Variants in PARD3B observed in about 807,000 individuals in gnomAD.
PARD3B encodes par-3 family cell polarity regulator beta, also known as partitioning defective 3 homolog B.
In PARD3B, 103 loss-of-function variants were observed where a neutral mutation model predicts 130.2. The observed-to-expected ratio is 0.79, with a 90% CI of 0.67 to 0.93. The LOEUF is 0.93. Among genes scored for constraint, PARD3B ranks in the 40% least tolerant of loss-of-function variants. PARD3B has a pLI of 0.00. For missense variants in PARD3B, 1,609 were observed against 1,499.2 expected, an observed-to-expected ratio of 1.07 and a Z score of -1.21; for synonymous variants, 583 against 553.2, an observed-to-expected ratio of 1.05 and a Z score of -0.76.
At chr2:205,256,311 G>C (rs1045851701) in intron 16 of PARD3B, among the ~76,000 whole-genome samples, 2 of 151,952 alleles carry the variant, frequency 1.3e-5, no homozygotes, top group Non-Finnish European at 2.9e-5. Flanking sequence ...GGCAACCAAT[G>C]ATAAACTCAT....
intron 1 of PARD3B, among the ~76,000 whole-genome samples, chr2:204,557,585 C>T (rs1429466814): frequency 6.6e-6 from 1 of 152,024 alleles, no homozygotes; most frequent in African/African-American, 2.4e-5. Context: ...TAAACTTTGT[C>T]AAATTCCACA....
chr2:205,385,120 G>A (rs2045616381), intron 18 of PARD3B, among the ~76,000 whole-genome samples: 1 of 151,984 alleles, frequency 6.6e-6, no homozygotes. Context: ...AGCTTATGTT[G>A]TTTGTGAGAT....
intron 21 of PARD3B, among the ~76,000 whole-genome samples, chr2:205,518,402 C>T (rs2050884377): frequency 6.6e-6 from 1 of 151,966 alleles, no homozygotes; most frequent in Non-Finnish European, 1.5e-5. Context: ...GGATTGCAGC[C>T]TCTACTGTTT....
intron 2 of PARD3B, among the ~76,000 whole-genome samples, chr2:204,879,860 G>A (rs2045974285): frequency 6.6e-6 from 1 of 152,202 alleles, no homozygotes. Flanking sequence ...ATATCAGTGG[G>A]CTTATTCTTT....
chr2:205,374,577 T>C (rs547883411), intron 18 of PARD3B, among the ~76,000 whole-genome samples: 1 of 152,310 alleles, frequency 6.6e-6, no homozygotes, highest in East Asian at 1.9e-4. Context: ...TTTTATTCTA[T>C]ATATTTTGCC....
At chr2:204,557,090 C>T (rs1419411985) in intron 1 of PARD3B, among the ~76,000 whole-genome samples, 1 of 151,772 alleles carries the variant, frequency 6.6e-6, no homozygotes, top group Non-Finnish European at 1.5e-5. Context: ...TCACAGATGC[C>T]CTCTCTGCCA....
intron 1 of PARD3B, among the ~76,000 whole-genome samples, chr2:204,563,108 A>G (rs2031423443): frequency 6.6e-6 from 1 of 152,164 alleles, no homozygotes; most frequent in Admixed American, 6.5e-5. Flanking sequence ...AAACCTCTAG[A>G]GAAGGATTCT....
intron 12 of PARD3B, among the ~76,000 whole-genome samples, chr2:205,175,199 A>C (rs2035399353): frequency 6.6e-6 from 1 of 152,136 alleles, no homozygotes; most frequent in Non-Finnish European, 1.5e-5. Context: ...CTGGGGAAGC[A>C]GAAAAAAATT....
chr2:205,249,238 T>C (rs1426916163), intron 16 of PARD3B, among the ~76,000 whole-genome samples: 6 of 151,144 alleles, frequency 4.0e-5, no homozygotes, highest in Admixed American at 1.3e-4. Flanking sequence ...TCTTTAACTA[T>C]AGAAATGTGA....
intron 5 of PARD3B, among the ~76,000 whole-genome samples, chr2:205,109,855 TG>T (rs1162633504): frequency 6.6e-6 from 1 of 152,020 alleles, no homozygotes; most frequent in Non-Finnish European, 1.5e-5. Context: ...TGTTTCTCCA[TG>T]GTGGCCAGGC....
At chr2:205,443,391 G>A (rs539989461) in intron 20 of PARD3B, among the ~76,000 whole-genome samples, 81 of 152,260 alleles carry the variant, frequency 5.3e-4, no homozygotes, top group African/African-American at 1.9e-3. Flanking sequence ...ACTATAGAAA[G>A]CTTTAGGGAA....
chr2:205,196,446 A>G (rs992111947), intron 15 of PARD3B, among the ~76,000 whole-genome samples: 1 of 152,138 alleles, frequency 6.6e-6, no homozygotes, highest in Non-Finnish European at 1.5e-5. Flanking sequence ...ATATTGTTAC[A>G]TGGGATGCAA....
At chr2:204,666,506 T>C (rs1028929927) in intron 1 of PARD3B, among the ~76,000 whole-genome samples, 2 of 152,092 alleles carry the variant, frequency 1.3e-5, no homozygotes, top group Non-Finnish European at 2.9e-5. Flanking sequence ...AACCAATAGG[T>C]GGCTATTGCT....
intron 2 of PARD3B, among the ~76,000 whole-genome samples, chr2:204,713,811 A>G (rs7573176): frequency 0.76 from 115,928 of 151,620 alleles, 45,412 homozygotes; most frequent in East Asian, 0.91. Context: ...TCATTTATCA[A>G]TGTTGTTCAA....
chr2:205,219,219 A>C (rs1237590975), intron 15 of PARD3B, among the ~76,000 whole-genome samples: 1 of 152,220 alleles, frequency 6.6e-6, no homozygotes, highest in Non-Finnish European at 1.5e-5. Context: ...AAAAGCTAGC[A>C]GATATTTAAT....
chr2:205,191,241 T>A (rs1000618006), intron 14 of PARD3B, among the ~76,000 whole-genome samples: 1 of 152,152 alleles, frequency 6.6e-6, no homozygotes, highest in Non-Finnish European at 1.5e-5. Flanking sequence ...ATAGCTCAGG[T>A]TGATCAAGCT....
chr2:205,104,609 G>T (rs1703068999), intron 5 of PARD3B, 95 bp downstream of exon 5: 12 of 865,930 alleles, frequency 1.4e-5, no homozygotes, highest in Non-Finnish European at 1.8e-5. Flanking sequence ...AGAAAGATCA[G>T]GATAAGTAGA....
intron 1 of PARD3B, among the ~76,000 whole-genome samples, chr2:204,608,861 G>A (rs1193876403): frequency 1.3e-5 from 2 of 152,164 alleles, no homozygotes; most frequent in African/African-American, 4.8e-5. Context: ...AATTTACTGT[G>A]TTGTGGGTGA....
intron 2 of PARD3B, among the ~76,000 whole-genome samples, chr2:204,961,275 CAG>C (rs1178517480): frequency 1.3e-5 from 2 of 152,068 alleles, no homozygotes; most frequent in Non-Finnish European, 2.9e-5. Flanking sequence ...GGGAACTAGT[CAG>C]GGGGCTGTTA....
Sources: allele counts gnomAD v4.1 joint callset (sites outside exome capture counted in the v4.1 genomes callset), GRCh38; gene constraint gnomAD v4.1.1; transcripts MANE v1.5; gene names NCBI Gene and HGNC (gene_info 2026-07-23, HGNC 2026-07-21).